ABCG5: variants seen among roughly 807,000 people sequenced by gnomAD.
ABCG5 encodes ATP binding cassette subfamily G member 5.
ABCG5 carries 64 observed loss-of-function variants against 64.5 expected under a neutral mutation model. The observed-to-expected ratio is 0.99, with a 90% CI of 0.81 to 1.22. The LOEUF (loss-of-function observed/expected upper bound fraction) is 1.22. ABCG5 is among the 50% of genes most tolerant of loss of function. The pLI, the probability that ABCG5 is intolerant of heterozygous loss-of-function variation, is 0.00. For synonymous variants in ABCG5, 385 were observed against 326.3 expected, an observed-to-expected ratio of 1.18 and a Z score of -1.94; for missense variants, 908 against 829.5, an observed-to-expected ratio of 1.09 and a Z score of -1.16.
chr2:43,834,213 G>T (rs538637464), intron 2 of ABCG5, among the ~76,000 whole-genome samples: 4 of 152,352 alleles, frequency 2.6e-5, no homozygotes, highest in African/African-American at 7.2e-5. Flanking sequence ...TAATTTCCCA[G>T]TCGTGTGGTT....
chr2:43,831,038 G>C (rs1667918384), intron 4 of ABCG5, among the ~76,000 whole-genome samples: 1 of 152,182 alleles, frequency 6.6e-6, no homozygotes, highest in South Asian at 2.1e-4. Flanking sequence ...GGTAATGCAA[G>C]CCACAGACAG....
intron 2 of ABCG5, among the ~76,000 whole-genome samples, chr2:43,834,129 G>C (rs1226837303): frequency 6.6e-6 from 1 of 152,178 alleles, no homozygotes; most frequent in Non-Finnish European, 1.5e-5. Flanking sequence ...GGACAGAGTG[G>C]GGAAAGAGAG....
chr2:43,820,327 T>C (rs1038135492), intron 10 of ABCG5, among the ~76,000 whole-genome samples: 2 of 152,212 alleles, frequency 1.3e-5, no homozygotes, highest in Admixed American at 6.5e-5. Flanking sequence ...ACCTTTTCCC[T>C]TTCACGGCTC....
At chr2:43,827,164 A>T (rs1434187061) in intron 5 of ABCG5, among the ~76,000 whole-genome samples, 1 of 152,028 alleles carries the variant, frequency 6.6e-6, no homozygotes, top group Non-Finnish European at 1.5e-5. Flanking sequence ...GTCTCTACTA[A>T]AAGAACAAAA....
chr2:43,838,966 C>T, upstream of ABCG5: 1 of 1,430,236 alleles, frequency 7.0e-7, no homozygotes. The surrounding 1 kb of genome is among the most constrained non-coding windows in gnomAD (Gnocchi z 4.2). Context: ...TGTCCCTGCT[C>T]CAGGAAACAG....
rs1668449393 is a variant in ABCG5, at chr2:43,838,826, G to A, written c.-147C>T. On this transcript the variant is annotated 5_prime_UTR_variant, in exon 1 of 13. Coordinates refer to ENST00000405322, the MANE Select transcript of ABCG5 (RefSeq NM_022436.3). This position sits in a 1 kb window ranked among gnomAD's most constrained non-coding sequence, Gnocchi z 4.2. ...GACAGCAGGACTGGGACTTGGCCACGGAGACCATTATCTGATGTACCTTTA... is the reference window on the plus strand; with the variant it reads ...GACAGCAGGACTGGGACTTGGCCACAGAGACCATTATCTGATGTACCTTTA... The A allele has an allele frequency of 2.1e-6, 3 of 1,447,348 alleles. No individual in the cohort carries two copies. Among genetic ancestry groups the A allele is most frequent in the Admixed American group, 2.0e-5 (1 of 49,876 alleles). 89.7% of individuals were successfully genotyped at this position (1,447,348 alleles called of 1,614,324 possible). A position where few individuals can be genotyped will look rare whatever the true frequency, so the allele number is the denominator to read the frequency against.
upstream of ABCG5, chr2:43,839,219 C>A: frequency 7.9e-7 from 1 of 1,271,316 alleles, no homozygotes; most frequent in Non-Finnish European, 1.1e-6. Flanking sequence ...ACCACCCGGA[C>A]ATCAAGCAGT....
At chr2:43,824,751 A>C in intron 7 of ABCG5, 138 bp downstream of exon 7, 2 of 1,463,298 alleles carry the variant, frequency 1.4e-6, no homozygotes, top group Non-Finnish European at 9.2e-7. Flanking sequence ...GACCCGGCCA[A>C]ATTGATTCCT....
At chr2:43,813,461 G>A (rs1358118920) in intron 12 of ABCG5, 152 bp from the exon 13 acceptor site, 1 of 686,162 alleles carries the variant, frequency 1.5e-6, no homozygotes, top group Non-Finnish European at 2.6e-6. Flanking sequence ...GCAAGAGTGA[G>A]CAGTTCTGGC....
At chr2:43,819,859 G>A (rs1368946920) in intron 11 of ABCG5, 56 bp downstream of exon 11, 2 of 1,561,498 alleles carry the variant, frequency 1.3e-6, no homozygotes, top group Non-Finnish European at 1.8e-6. Flanking sequence ...TCATTATTAG[G>A]TGATCATTAA....
chr2:43,819,381 CTA>C (rs1262864913), intron 11 of ABCG5, among the ~76,000 whole-genome samples: 3 of 151,634 alleles, frequency 2.0e-5, no homozygotes, highest in Non-Finnish European at 2.9e-5. Context: ...ATCAATATCA[CTA>C]TTGATATTGA....
downstream of ABCG5, among the ~76,000 whole-genome samples, chr2:43,812,177 A>G: frequency 6.6e-6 from 1 of 152,060 alleles, no homozygotes; most frequent in East Asian, 1.9e-4. Context: ...CAGCCTCCTG[A>G]GCAGCTGGGA....
chr2:43,815,338 G>C (rs920794872), intron 11 of ABCG5, among the ~76,000 whole-genome samples: 5 of 152,128 alleles, frequency 3.3e-5, no homozygotes, highest in African/African-American at 4.8e-5. Flanking sequence ...AGGAGCTTGA[G>C]AACTTCAAAA....
chr2:43,822,579 A>G (rs530317067), intron 10 of ABCG5: 2 of 984,054 alleles, frequency 2.0e-6, no homozygotes, highest in Non-Finnish European at 2.4e-6. Context: ...GGCACATGTC[A>G]TCTTGTTGGT....
intron 4 of ABCG5, among the ~76,000 whole-genome samples, chr2:43,829,416 C>T (rs1216642701): frequency 6.6e-6 from 1 of 152,194 alleles, no homozygotes; most frequent in African/African-American, 2.4e-5. Context: ...CCCCCAGCCA[C>T]ATTTAAAATT....
At position 43,812,814 on chromosome 2, in the gene ABCG5, GA is replaced by G. The variant is rs140489975; in HGVS notation, c.*301del. On this transcript the variant is annotated 3_prime_UTR_variant, in exon 13 of 13. Transcript: ENST00000405322. The stretch of plus-strand genomic sequence containing the variant: ...TATTTTTTTCTGTGCCTAGAACAAG[GA>G]AAAAAAATAGTCACACGAGTCTCCC... 1.4e-4 allele frequency: 47 copies of G among 338,594 alleles called. No homozygotes were observed. Among genetic ancestry groups the G allele is most frequent in the Middle Eastern group, 8.8e-4 (1 of 1,136 alleles). The allele number at this position is 338,594 out of a possible 1,614,324, so 21.0% of individuals were successfully genotyped here.
intron 2 of ABCG5, among the ~76,000 whole-genome samples, chr2:43,834,988 T>A (rs1668173001): frequency 6.6e-6 from 1 of 152,242 alleles, no homozygotes; most frequent in South Asian, 2.1e-4. Context: ...CATAAAATTA[T>A]TTTACTCCTT....
chr2:43,815,924 AAAAG>A (rs1479215925), intron 11 of ABCG5, among the ~76,000 whole-genome samples: 45 of 151,762 alleles, frequency 3.0e-4, no homozygotes, highest in African/African-American at 9.9e-4. Context: ...AAAAAAAAAA[AAAAG>A]GACCAGACTA....
intron 4 of ABCG5, among the ~76,000 whole-genome samples, chr2:43,830,884 C>T (rs1667911736): frequency 6.6e-6 from 1 of 152,228 alleles, no homozygotes; most frequent in African/African-American, 2.4e-5. Flanking sequence ...GTTGACAATT[C>T]AATCATTTCT....
Sources: gnomAD v4.1 joint callset for allele counts (sites outside exome capture counted in the v4.1 genomes callset) on GRCh38, gnomAD v4.1.1 for gene constraint, Gnocchi (gnomAD v3.1) non-coding constraint, MANE v1.5 for transcripts, NCBI Gene and HGNC (gene_info 2026-07-23, HGNC 2026-07-21) for gene names.